The following VPS13B variants were observed in gnomAD, a reference collection of about 807,000 sequenced individuals.
VPS13B encodes the protein intermembrane lipid transfer protein VPS13B.
Under a neutral mutation model 426.4 loss-of-function variants are expected in VPS13B, and 285 were observed. That is an observed-to-expected ratio of 0.67 (90% CI 0.61 to 0.74). The LOEUF is 0.74. VPS13B is among the 30% of genes least tolerant of loss of function. VPS13B has a pLI of 0.00. For synonymous variants in VPS13B, 1,676 were observed against 1,676.4 expected (o/e 1.00, Z 0.01); for missense variants, 4,537 against 4,782.6 (o/e 0.95, Z 1.51).
chr8:99,039,604 C>T (rs1249947602), intron 3 of VPS13B, among the ~76,000 whole-genome samples: 1 of 150,518 alleles, frequency 6.6e-6, no homozygotes, highest in Admixed American at 6.6e-5. Context: ...GGAAGATTGG[C>T]TATAATCAAG....
intron 44 of VPS13B, among the ~76,000 whole-genome samples, chr8:99,814,034 G>C (rs1813875270): frequency 6.6e-6 from 1 of 152,274 alleles, no homozygotes; most frequent in Middle Eastern, 3.4e-3. Context: ...AAGCTACTTA[G>C]GAGGCTGAGG....
intron 4 of VPS13B, among the ~76,000 whole-genome samples, chr8:99,101,294 G>A (rs559978664): frequency 6.6e-6 from 1 of 151,980 alleles, no homozygotes; most frequent in Non-Finnish European, 1.5e-5. Context: ...ACCACGCCCG[G>A]CTAATTTTTT....
In VPS13B at chr8:99,577,534, A is replaced by G. The variant is rs758070586; in HGVS notation, c.5121A>G (p.Thr1707=). 1 of 1,613,934 alleles carries G rather than the reference A, an allele frequency of 6.2e-7. No homozygotes were observed. Among genetic ancestry groups the G allele is most frequent in the South Asian group, 1.1e-5 (1 of 91,080 alleles). The change falls in exon 33 of 62, where the codon ACA becomes ACG. Residue 1707 remains threonine (T), a synonymous_variant. Transcript: ENST00000357162. ...CGHSLEVNIT[T]NLDFFLSVAQ... is the part of the protein sequence containing the mutation. ...ATTCCTTAGAAGTGAATATAACCAC[A>G]AACCTGGACTTCTTCCTAAGTGTGG...
chr8:99,514,502 C>G (rs898470511), intron 29 of VPS13B, among the ~76,000 whole-genome samples: 2 of 152,122 alleles, frequency 1.3e-5, no homozygotes, highest in African/African-American at 4.8e-5. Flanking sequence ...TTTTACTACT[C>G]TAGAAATTTC....
Position 99,669,348 on chromosome 8 carries a change from T to C in VPS13B, c.6046+7857T>C, listed in dbSNP as rs181481559. Among the ~76,000 whole-genome samples the C allele has an allele frequency of 1.4e-3, 207 of 152,270 alleles. 1 individual carries two copies. The highest frequency in any genetic ancestry group is 1.6e-3 in the Non-Finnish European group (106 of 68,010). The stretch of plus-strand genomic sequence containing the variant: ...GATTTTTCTAATTAACTCAGGGTTA[T>C]TTGCAAAAACATTTGAGCTCTCTGG... On this transcript the variant is annotated intron_variant, in intron 35 of 61. Coordinates refer to ENST00000357162, the MANE Select transcript of VPS13B (RefSeq NM_152564.5).
chr8:99,680,142 A>G (rs1449784), intron 35 of VPS13B, among the ~76,000 whole-genome samples: 20,752 of 152,208 alleles, frequency 0.14, 1,969 homozygotes, highest in East Asian at 0.39. Context: ...CATAAATGTT[A>G]TGATTTGAGT....
chr8:99,321,250 G>T (rs77699730), intron 19 of VPS13B, among the ~76,000 whole-genome samples: 1 of 127,690 alleles, frequency 7.8e-6, no homozygotes. Flanking sequence ...TTGCTCTGTC[G>T]CCCAGGCTGG....
chr8:99,469,856 G>C (rs1487332202), intron 24 of VPS13B, among the ~76,000 whole-genome samples: 1 of 152,148 alleles, frequency 6.6e-6, no homozygotes, highest in African/African-American at 2.4e-5. Context: ...CATACAAAGG[G>C]AAGATGATGT....
chr8:99,437,936 C>T (rs1468056026), intron 22 of VPS13B, among the ~76,000 whole-genome samples: 1 of 151,480 alleles, frequency 6.6e-6, no homozygotes, highest in East Asian at 1.9e-4. Context: ...TCTAGGAGAA[C>T]ATTTCTCTGC....
chr8:99,236,507 C>G (rs968805395), intron 17 of VPS13B, among the ~76,000 whole-genome samples: 1 of 152,166 alleles, frequency 6.6e-6, no homozygotes, highest in Non-Finnish European at 1.5e-5. Flanking sequence ...CCTTTGGCCC[C>G]CCAAAGTGCT....
chr8:99,270,175 G>A (rs116981545), intron 17 of VPS13B, among the ~76,000 whole-genome samples: 4 of 51,942 alleles, frequency 7.7e-5, no homozygotes, highest in Non-Finnish European at 1.1e-4. Context: ...AGTCTTGCTC[G>A]TTGCCCAGAC....
In VPS13B at chr8:99,637,680, A is replaced by G. The variant is rs112233367; in HGVS notation, c.5221-4131A>G. ...TATAGGCTGGATGCTAAATTTCTTT[A>G]CCTTTCTCTACAGGTGGTTTGTTGT... On this transcript the variant is annotated intron_variant, in intron 33 of 61. Coordinates refer to ENST00000357162, the MANE Select transcript of VPS13B (RefSeq NM_152564.5). Among the ~76,000 whole-genome samples the G allele has an allele frequency of 1.3e-3, 202 of 152,168 alleles. 1 individual carries two copies. Among genetic ancestry groups the G allele is most frequent in the African/African-American group, 4.7e-3 (194 of 41,528 alleles).
At chr8:99,657,517 T>C (rs1289263814) in intron 34 of VPS13B, among the ~76,000 whole-genome samples, 7 of 140,756 alleles carry the variant, frequency 5.0e-5, no homozygotes, top group Non-Finnish European at 1.1e-4. Flanking sequence ...TTTTTTACAT[T>C]TGAATTTACT....
In VPS13B at chr8:99,365,577, C is replaced by A. The variant is rs530616412; in HGVS notation, c.2825-18631C>A. The stretch of plus-strand genomic sequence containing the variant: ...TGTCGCCCAGGCTGGAGTGCAGTGG[C>A]ACGATCTCGGCTCACTGCAACCACT... On this transcript the variant is annotated intron_variant, in intron 19 of 61. Transcript: ENST00000357162. Among the ~76,000 whole-genome samples, 3 of 137,968 alleles carry A rather than the reference C, an allele frequency of 2.2e-5. No homozygotes were observed. The South Asian group carries it at 6.9e-4, about 32-fold the overall frequency. 90.5% of individuals were successfully genotyped at this position (137,968 alleles called of 152,430 possible).
intron 2 of VPS13B, among the ~76,000 whole-genome samples, chr8:99,036,398 A>G (rs76557435): frequency 5.3e-5 from 8 of 152,324 alleles, no homozygotes; most frequent in Non-Finnish European, 1.0e-4. Flanking sequence ...GTAGACATAT[A>G]TTTCAAGAAG....
chr8:99,819,843 T>C, intron 48 of VPS13B, 78 bp from the exon 49 acceptor site: 17 of 1,553,886 alleles, frequency 1.1e-5, no homozygotes, highest in Non-Finnish European at 1.5e-5. Flanking sequence ...ATGGTGTGTT[T>C]GGAATCTTTA....
intron 35 of VPS13B, among the ~76,000 whole-genome samples, chr8:99,690,411 T>G (rs1831604132): frequency 6.6e-6 from 1 of 152,180 alleles, no homozygotes; most frequent in South Asian, 2.1e-4. Flanking sequence ...TTTCTTGGTA[T>G]GACACCAAAA....
chr8:99,605,637 C>A (rs1176593637), intron 33 of VPS13B, among the ~76,000 whole-genome samples: 7 of 152,136 alleles, frequency 4.6e-5, no homozygotes, highest in Non-Finnish European at 8.8e-5. Flanking sequence ...CACATAAATT[C>A]TAAGATCTTT....
rs935042169 is a variant in VPS13B, at chr8:99,559,725, G to T, written c.4949+3072G>T. On this transcript the variant is annotated intron_variant, in intron 31 of 61. Transcript: ENST00000357162. ...AAAGATCAGATGGTTGTAGATACGC[G>T]GCATTATTTCTGAGGGCTCTATTCT... Among the ~76,000 whole-genome samples the T allele has an allele frequency of 5.9e-5, 9 of 152,148 alleles. No homozygotes were observed. The South Asian group carries it at 6.2e-4, about 11-fold the overall frequency.
Sources: allele counts gnomAD v4.1 joint callset (sites outside exome capture counted in the v4.1 genomes callset), GRCh38; gene constraint gnomAD v4.1.1; transcripts MANE v1.5; gene names NCBI Gene and HGNC (gene_info 2026-07-23, HGNC 2026-07-21).